FTO: variants seen among roughly 807,000 people sequenced by gnomAD.
FTO encodes the protein alpha-ketoglutarate-dependent dioxygenase FTO.
FTO carries 47 observed loss-of-function variants against 63.9 expected under a neutral mutation model. The ratio of observed to expected loss-of-function variants is 0.74; its 90% CI spans 0.58 to 0.94. FTO has a LOEUF of 0.94. FTO is among the 40% of genes least tolerant of loss of function. The pLI is 0.00. For synonymous variants in FTO, 207 were observed against 224.4 expected (o/e 0.92, Z 0.69); for missense variants, 562 against 618.1 (o/e 0.91, Z 0.96).
chr16:53,787,550 T>A (rs1251712110), intron 1 of FTO, among the ~76,000 whole-genome samples: 2 of 151,958 alleles, frequency 1.3e-5, no homozygotes, highest in Non-Finnish European at 1.5e-5. Context: ...TAAAAAAAAA[T>A]TATTTTGTAT....
intron 1 of FTO, among the ~76,000 whole-genome samples, chr16:53,795,573 T>A (rs1351162859): frequency 6.6e-6 from 1 of 152,070 alleles, no homozygotes; most frequent in Non-Finnish European, 1.5e-5. Context: ...CTCCCACAAG[T>A]GTTGGGATTA....
Position 53,883,622 on chromosome 16 carries a change from C to CAAAA in FTO, c.1119+3645_1119+3648dup, listed in dbSNP as rs36010057. On this transcript the variant is annotated intron_variant, in intron 6 of 8. Transcript: ENST00000471389. The stretch of plus-strand genomic sequence containing the variant: ...GGGCAACAAGGGCGAAACTCTATCT[C>CAAAA]AAAAAAAAAAAAACAAAAAAAAAAA... 1.3e-3 allele frequency among the ~76,000 whole-genome samples: 79 copies of CAAAA among 59,258 alleles called. 5 individuals are homozygous for CAAAA. Among genetic ancestry groups the CAAAA allele is most frequent in the African/African-American group, 3.4e-3 (41 of 11,924 alleles). The allele number at this position is 59,258 out of a possible 152,430, so 38.9% of individuals were successfully genotyped here.
intron 2 of FTO, chr16:53,814,938 T>G (rs1193543437): frequency 6.6e-6 from 1 of 152,206 alleles, no homozygotes; most frequent in Non-Finnish European, 1.5e-5. Context: ...GCAGGTGATG[T>G]AGGAGCAAGC....
intron 1 of FTO, among the ~76,000 whole-genome samples, chr16:53,724,808 G>A (rs78020297): frequency 0.047 from 7,212 of 152,240 alleles, 213 homozygotes; most frequent in South Asian, 0.11. Flanking sequence ...CCCCGAGGAA[G>A]AAATTCAGCT....
At chr16:53,943,616 CTT>C (rs1481420629) in intron 8 of FTO, among the ~76,000 whole-genome samples, 5 of 152,202 alleles carry the variant, frequency 3.3e-5, no homozygotes, top group Admixed American at 3.3e-4. Flanking sequence ...GATATGAACT[CTT>C]TTCCTAAGCG....
chr16:53,901,861 G>A (rs1383559266), intron 7 of FTO, among the ~76,000 whole-genome samples: 2 of 152,248 alleles, frequency 1.3e-5, no homozygotes, highest in East Asian at 1.9e-4. Context: ...TTCTTCAAAC[G>A]TGGGCTTCTG....
intron 1 of FTO, 106 bp from the exon 2 acceptor site, chr16:53,810,034 C>A (rs2078479380): frequency 1.4e-6 from 1 of 706,340 alleles, no homozygotes; most frequent in South Asian, 1.7e-5. Context: ...ATTATAAATT[C>A]AAAGTTGGCT....
intron 6 of FTO, 99 bp downstream of exon 6, chr16:53,880,086 C>A: frequency 1.1e-6 from 1 of 874,696 alleles, no homozygotes; most frequent in South Asian, 1.5e-5. Context: ...CCTCCATCTC[C>A]CAGGTTCAAG....
At chr16:53,897,683 TA>T (rs2081308177) in intron 7 of FTO, among the ~76,000 whole-genome samples, 1 of 152,224 alleles carries the variant, frequency 6.6e-6, no homozygotes, top group Admixed American at 6.5e-5. Flanking sequence ...ATGCTTGTAA[TA>T]CATTAATATG....
intron 1 of FTO, among the ~76,000 whole-genome samples, chr16:53,730,734 C>T (rs1156954515): frequency 6.6e-6 from 1 of 152,068 alleles, no homozygotes; most frequent in African/African-American, 2.4e-5. Context: ...TGGGCTCAAG[C>T]GATCTGCCTG....
At chr16:53,894,272 G>A (rs1002266605) in intron 7 of FTO, among the ~76,000 whole-genome samples, 1 of 152,170 alleles carries the variant, frequency 6.6e-6, no homozygotes, top group Non-Finnish European at 1.5e-5. Context: ...CCAGGAGCCT[G>A]CCCATGGCTG....
chr16:53,707,472 C>T (rs749129951), intron 1 of FTO, among the ~76,000 whole-genome samples: 5 of 152,178 alleles, frequency 3.3e-5, no homozygotes, highest in Admixed American at 1.3e-4. Context: ...TACATTCACA[C>T]GTGCCGGGTT....
rs370185306 is a variant in FTO at position 53,939,571 on chromosome 16, C to A, written c.1364+5462C>A. ...CCACTATCCAATTCCAGAGCATCTTCCTTCCCCAGAAATGAAACCCGGCAT... is the reference window on the plus strand; with the variant it reads ...CCACTATCCAATTCCAGAGCATCTTACTTCCCCAGAAATGAAACCCGGCAT... On this transcript the variant is annotated intron_variant, in intron 8 of 8. Transcript: ENST00000471389. Among the ~76,000 whole-genome samples the A allele has an allele frequency of 4.6e-5, 7 of 152,186 alleles. 1 individual carries two copies. Among genetic ancestry groups the A allele is most frequent in the Admixed American group, 2.6e-4 (4 of 15,282 alleles).
At chr16:53,822,734 G>A (rs1453185708) in intron 2 of FTO, among the ~76,000 whole-genome samples, 1 of 151,996 alleles carries the variant, frequency 6.6e-6, no homozygotes, top group Non-Finnish European at 1.5e-5. Flanking sequence ...TTTTAATAAT[G>A]CTTGAGTTCT....
chr16:53,886,949 CA>C, intron 6 of FTO: 1 of 152,288 alleles, frequency 6.6e-6, no homozygotes, highest in South Asian at 2.1e-4. Context: ...CTTTAGCGGG[CA>C]GTGGTAAAAA....
chr16:53,778,974 C>T (rs1354186527), intron 1 of FTO, among the ~76,000 whole-genome samples: 2 of 151,604 alleles, frequency 1.3e-5, no homozygotes, highest in Middle Eastern at 3.4e-3. Context: ...CTATTTGGGA[C>T]ATTAAGGAAA....
At position 53,815,303 on chromosome 16, in the gene FTO, A is replaced by C. The variant is rs2078644012; in HGVS notation, c.123+5086A>C. Among the ~76,000 whole-genome samples the C allele has an allele frequency of 2.0e-5, 3 of 152,256 alleles. No individual in the cohort carries two copies. In the South Asian group the frequency reaches 6.2e-4, roughly 32 times the overall value. On this transcript the variant is annotated intron_variant, in intron 2 of 8. Coordinates refer to ENST00000471389, the MANE Select transcript of FTO (RefSeq NM_001080432.3). ...ACGGTATCCCCTAGTCCCATTCTTG[A>C]GATTAGAAAGCTCACCACCCTCAAC... is the stretch of plus-strand genomic sequence containing the variant.
intron 1 of FTO, among the ~76,000 whole-genome samples, chr16:53,721,636 A>G (rs1400861684): frequency 6.6e-6 from 1 of 152,194 alleles, no homozygotes; most frequent in Non-Finnish European, 1.5e-5. Context: ...CTTTGGGGAA[A>G]TAAATGTCAT....
At chr16:53,961,224 T>C (rs1339811860) in intron 8 of FTO, among the ~76,000 whole-genome samples, 1 of 152,062 alleles carries the variant, frequency 6.6e-6, no homozygotes, top group East Asian at 1.9e-4. Context: ...GTCCACTGCT[T>C]ACAGCCCCCA....
Sources: gnomAD v4.1 joint callset for allele counts (sites outside exome capture counted in the v4.1 genomes callset) on GRCh38, gnomAD v4.1.1 for gene constraint, MANE v1.5 for transcripts, NCBI Gene and HGNC (gene_info 2026-07-23, HGNC 2026-07-21) for gene names.